CHKA: variants seen among roughly 807,000 people sequenced by gnomAD.
The protein encoded by CHKA is choline kinase alpha, also known as CHETK-alpha.
CHKA carries 34 observed loss-of-function variants against 60.1 expected under a neutral mutation model. That is an observed-to-expected ratio of 0.57 (90% CI 0.43 to 0.75). CHKA has a LOEUF of 0.75. Ranked by LOEUF, CHKA falls within the 30% of genes least tolerant of loss-of-function variation. CHKA has a pLI of 0.00. For synonymous variants in CHKA, 217 were observed against 223.1 expected (o/e 0.97, Z 0.24); for missense variants, 563 against 561.3 (o/e 1.00, Z -0.03).
At chr11:68,080,885 C>A (rs1565181352) in intron 3 of CHKA, among the ~76,000 whole-genome samples, 1 of 152,216 alleles carries the variant, frequency 6.6e-6, no homozygotes, top group African/African-American at 2.4e-5. Flanking sequence ...GCCATCTGCA[C>A]ATGTGTGTTT....
chr11:68,080,782 G>C (rs1329476860), intron 3 of CHKA, among the ~76,000 whole-genome samples: 1 of 152,240 alleles, frequency 6.6e-6, no homozygotes, highest in Non-Finnish European at 1.5e-5. Context: ...CATAATGGCA[G>C]AGATGCTCAA....
intron 11 of CHKA, among the ~76,000 whole-genome samples, chr11:68,055,049 A>C (rs996738320): frequency 6.6e-6 from 1 of 152,194 alleles, no homozygotes; most frequent in Admixed American, 6.5e-5. Flanking sequence ...TGTCGTATCC[A>C]CACACCTGCT....
intron 7 of CHKA, among the ~76,000 whole-genome samples, chr11:68,067,258 G>C (rs932021114): frequency 6.6e-6 from 1 of 152,208 alleles, no homozygotes; most frequent in Non-Finnish European, 1.5e-5. Context: ...GAGGTATAGT[G>C]TCTAGGCTCT....
chr11:68,061,312 G>A (rs1856238325), intron 11 of CHKA, among the ~76,000 whole-genome samples: 1 of 151,844 alleles, frequency 6.6e-6, no homozygotes, highest in Non-Finnish European at 1.5e-5. Context: ...CCCCACGTTG[G>A]CCAGGATGGT....
intron 2 of CHKA, among the ~76,000 whole-genome samples, chr11:68,087,665 C>T (rs1311040473): frequency 1.3e-5 from 2 of 151,878 alleles, no homozygotes; most frequent in Non-Finnish European, 2.9e-5. Context: ...AATTAAGAAA[C>T]ATGGATGACA....
intron 1 of CHKA, among the ~76,000 whole-genome samples, chr11:68,113,292 A>G (rs1416337752): frequency 6.6e-6 from 1 of 152,086 alleles, no homozygotes; most frequent in Non-Finnish European, 1.5e-5. Flanking sequence ...AAAAAAATAA[A>G]AAGGAAAAAG....
In CHKA at chr11:68,052,982, C is replaced by T. The variant is rs1164403540; in HGVS notation, c.*1006G>A. ...TCAGCTAAGACTGTATCCCGCAGGA[C>T]ATTTCATATATATGGATTTCACAGC... On this transcript the variant is annotated 3_prime_UTR_variant, in exon 12 of 12. Transcript: ENST00000265689. 1 of 152,568 alleles carries T rather than the reference C, an allele frequency of 6.6e-6. No individual in the cohort carries two copies. The highest frequency in any genetic ancestry group is 2.4e-5 in the African/African-American group (1 of 41,440). 9.5% of individuals were successfully genotyped at this position (152,568 alleles called of 1,614,324 possible).
chr11:68,097,633 C>T (rs1163649461), intron 1 of CHKA, among the ~76,000 whole-genome samples: 1 of 74,308 alleles, frequency 1.3e-5, no homozygotes, highest in African/African-American at 5.6e-5. Context: ...AAGACTCCGT[C>T]TCAAAAAAAA....
In CHKA at chr11:68,081,469, A is replaced by G. The variant is rs1856985638; in HGVS notation, c.463-12T>C. On this transcript the variant is annotated splice_polypyrimidine_tract_variant and intron_variant, in intron 2 of 11. Coordinates refer to ENST00000265689, the MANE Select transcript of CHKA (RefSeq NM_001277.3). Reference sequence around the variant, plus strand: ...TTATTACAGGACCTCTATGAATGAGAAAAAGGAAACACTTCTGGTGAGATG... The same window carrying G: ...TTATTACAGGACCTCTATGAATGAGGAAAAGGAAACACTTCTGGTGAGATG... 1 of 1,609,184 alleles carries G rather than the reference A, an allele frequency of 6.2e-7. No homozygotes were observed. The highest frequency in any genetic ancestry group is 1.1e-5 in the South Asian group (1 of 90,964).
At chr11:68,109,379 G>A (rs948098773) in intron 1 of CHKA, among the ~76,000 whole-genome samples, 2 of 152,092 alleles carry the variant, frequency 1.3e-5, no homozygotes, top group Non-Finnish European at 2.9e-5. Context: ...GTGAGCCACC[G>A]AGCCCGGCCT....
In CHKA at chr11:68,121,139, G is replaced by A. The variant is rs1344476716; in HGVS notation, c.39C>T (p.Pro13=). ...AGCTCAGCAGCAGCCCGAGCGGCGAGGGCTCCGCCTCGCCCCCGGTGCAGA... is the reference window on the plus strand; with the variant it reads ...AGCTCAGCAGCAGCCCGAGCGGCGAAGGCTCCGCCTCGCCCCCGGTGCAGA... ...TKFCTGGEAE[P]SPLGLLLSCG... Residue 13 remains proline, a synonymous_variant, in exon 1 of 12, where the codon CCC becomes CCT. Coordinates refer to ENST00000265689, the MANE Select transcript of CHKA (RefSeq NM_001277.3). 20 of 1,209,680 alleles carry A rather than the reference G, an allele frequency of 1.7e-5. No homozygotes were observed. Among genetic ancestry groups the A allele is most frequent in the Non-Finnish European group, 2.0e-5 (19 of 966,394 alleles). The allele number at this position is 1,209,680 out of a possible 1,614,324, so 74.9% of individuals were successfully genotyped here. A position where few individuals can be genotyped will look rare whatever the true frequency, so the allele number is the denominator to read the frequency against.
intron 7 of CHKA, 111 bp downstream of exon 7, chr11:68,068,768 T>C (rs1385096272): frequency 2.9e-6 from 2 of 686,532 alleles, no homozygotes; most frequent in Non-Finnish European, 5.2e-6. Context: ...TGTATCATAC[T>C]TTAATGTACC....
At chr11:68,075,030 C>G (rs1480433737) in intron 3 of CHKA, among the ~76,000 whole-genome samples, 200 bp from the exon 4 acceptor site, 4 of 152,202 alleles carry the variant, frequency 2.6e-5, no homozygotes, top group Non-Finnish European at 5.9e-5. Context: ...AGGATTCATG[C>G]TTGCAAGCAC....
intron 4 of CHKA, among the ~76,000 whole-genome samples, chr11:68,072,829 C>T (rs529454464): frequency 3.3e-5 from 5 of 151,362 alleles, no homozygotes; most frequent in African/African-American, 9.7e-5. Flanking sequence ...CCCATCTCTA[C>T]AAAAAAAAAT....
In CHKA at chr11:68,070,870, A is replaced by G. The variant is rs1406258127; in HGVS notation, c.631-13T>C. The G allele has an allele frequency of 1.9e-6, 3 of 1,603,320 alleles. No homozygotes were observed. The highest frequency in any genetic ancestry group is 1.7e-6 in the Non-Finnish European group (2 of 1,172,470). On this transcript the variant is annotated splice_polypyrimidine_tract_variant and intron_variant, in intron 4 of 11. Coordinates refer to ENST00000265689, the MANE Select transcript of CHKA (RefSeq NM_001277.3). ...CTAATCGCCGGCTCTGAAAAAGAAAAGGGAGTTAAAAACTGACATTTACCA... is the reference window on the plus strand; with the variant it reads ...CTAATCGCCGGCTCTGAAAAAGAAAGGGGAGTTAAAAACTGACATTTACCA...
chr11:68,075,449 T>C (rs1234786828), intron 3 of CHKA, among the ~76,000 whole-genome samples: 2 of 152,140 alleles, frequency 1.3e-5, no homozygotes, highest in Non-Finnish European at 2.9e-5. Context: ...ATCTCTATGA[T>C]GCTGTCTGTT....
intron 7 of CHKA, 137 bp from the exon 8 acceptor site, chr11:68,066,653 G>C (rs1856454530): frequency 1.4e-6 from 1 of 698,044 alleles, no homozygotes; most frequent in African/African-American, 1.8e-5. Context: ...GACATCACCA[G>C]GGCCTAGACA....
chr11:68,120,773 G>A (rs1404586581), intron 1 of CHKA, 55 bp downstream of exon 1: 2 of 810,306 alleles, frequency 2.5e-6, no homozygotes, highest in Non-Finnish European at 3.1e-6. Context: ...CCCCGCCCCG[G>A]CCCCGCCCCG....
chr11:68,101,206 C>G (rs193033599), intron 1 of CHKA, among the ~76,000 whole-genome samples: 12 of 152,094 alleles, frequency 7.9e-5, no homozygotes, highest in East Asian at 1.9e-4. Context: ...TCTCAGCCCC[C>G]CAAAGTGCTG....
Sources: allele counts gnomAD v4.1 joint callset (sites outside exome capture counted in the v4.1 genomes callset), GRCh38; gene constraint gnomAD v4.1.1; transcripts MANE v1.5; gene names NCBI Gene and HGNC (gene_info 2026-07-23, HGNC 2026-07-21).